Variants in ZNF469 observed in about 807,000 individuals in gnomAD.
The protein encoded by ZNF469 is zinc finger protein 469.
A neutral mutation model predicts 1.0 loss-of-function variants in ZNF469; 1 was observed. That is an observed-to-expected ratio of 1.00 (90% CI 0.35 to 4.73). The LOEUF is 4.73. Among genes scored for constraint, ZNF469 ranks in the 30% most tolerant of loss-of-function variants. The pLI is 0.16. For missense variants in ZNF469, 6,100 were observed against 5,356.3 expected (o/e 1.14, Z -4.33); for synonymous variants, 2,703 against 2,363.4 (o/e 1.14, Z -4.17).
chr16:88,338,591 C>G, the ZNF469 span, among the ~76,000 whole-genome samples: 7 of 152,242 alleles, frequency 4.6e-5, no homozygotes, highest in Admixed American at 2.0e-4. Flanking sequence ...AGGCCAGAGG[C>G]CTCTGCTGGG....
chr16:88,150,837 G>A, the ZNF469 span, among the ~76,000 whole-genome samples: 2 of 152,102 alleles, frequency 1.3e-5, no homozygotes, highest in African/African-American at 2.4e-5. Flanking sequence ...AGCGCCGTGG[G>A]GTTCCGGTAG....
the ZNF469 span, among the ~76,000 whole-genome samples, chr16:88,247,058 A>AG: frequency 4.0e-5 from 1 of 25,246 alleles, no homozygotes; most frequent in Admixed American, 4.6e-4. Flanking sequence ...TGAGTGAGTG[A>AG]TTGAGTGAGT....
chr16:88,290,807 G>T, the ZNF469 span, among the ~76,000 whole-genome samples: 1 of 152,206 alleles, frequency 6.6e-6, no homozygotes, highest in Non-Finnish European at 1.5e-5. Context: ...CATCTAGGAG[G>T]TGCCCACTTG....
At chr16:88,160,974 C>T in the ZNF469 span, among the ~76,000 whole-genome samples, 2 of 152,186 alleles carry the variant, frequency 1.3e-5, no homozygotes, top group Non-Finnish European at 2.9e-5. Flanking sequence ...AAAACAATGT[C>T]TCTATATTAA....
the ZNF469 span, among the ~76,000 whole-genome samples, chr16:88,180,758 A>ACT: frequency 1.7e-4 from 26 of 152,128 alleles, no homozygotes; most frequent in African/African-American, 6.3e-4. Flanking sequence ...TGGGTGACAG[A>ACT]GAGACTCTGT....
At chr16:88,347,300 C>T in the ZNF469 span, among the ~76,000 whole-genome samples, 2 of 152,164 alleles carry the variant, frequency 1.3e-5, no homozygotes, top group Non-Finnish European at 2.9e-5. Context: ...GTGCACGGGC[C>T]CTTCTTTGGA....
intron 1 of ZNF469, among the ~76,000 whole-genome samples, chr16:88,423,498 T>C (rs990644944): frequency 3.4e-4 from 51 of 152,154 alleles, no homozygotes; most frequent in Non-Finnish European, 6.8e-4. Flanking sequence ...GGGGCATGAG[T>C]TACGGTTGTC....
At chr16:88,162,956 T>C in the ZNF469 span, among the ~76,000 whole-genome samples, 2 of 152,136 alleles carry the variant, frequency 1.3e-5, no homozygotes, top group African/African-American at 4.8e-5. Context: ...GATGGACGGA[T>C]GGTTGGGGAG....
the ZNF469 span, among the ~76,000 whole-genome samples, chr16:88,242,253 C>T: frequency 6.6e-6 from 1 of 152,236 alleles, no homozygotes. Context: ...TCATCCGTCT[C>T]ACCCTGGTCT....
chr16:88,402,682 G>A (rs1904915862), intron 1 of ZNF469, among the ~76,000 whole-genome samples: 1 of 152,184 alleles, frequency 6.6e-6, no homozygotes, highest in Admixed American at 6.5e-5. Flanking sequence ...CCTCTCTCAT[G>A]CCAGGCCAGC....
At chr16:88,259,631 G>A in the ZNF469 span, among the ~76,000 whole-genome samples, 5 of 152,174 alleles carry the variant, frequency 3.3e-5, no homozygotes, top group South Asian at 2.1e-4. The surrounding 1 kb of genome is among the most constrained non-coding windows in gnomAD (Gnocchi z 4.1). Flanking sequence ...CTCCCAGCCT[G>A]ACAGCCACCC....
chr16:88,296,653 C>T, the ZNF469 span, among the ~76,000 whole-genome samples: 1 of 152,100 alleles, frequency 6.6e-6, no homozygotes, highest in Non-Finnish European at 1.5e-5. Flanking sequence ...CACACATGCA[C>T]AGACATGCTC....
chr16:88,399,411 A>T (rs907987707), intron 1 of ZNF469, among the ~76,000 whole-genome samples: 1 of 152,158 alleles, frequency 6.6e-6, no homozygotes, highest in Non-Finnish European at 1.5e-5. Flanking sequence ...TCACAGCTAC[A>T]AGATGACAGT....
At chr16:88,398,946 C>G (rs149138302) in intron 1 of ZNF469, among the ~76,000 whole-genome samples, 1 of 152,224 alleles carries the variant, frequency 6.6e-6, no homozygotes, top group Non-Finnish European at 1.5e-5. Context: ...CAGCAAACCA[C>G]CACCCCCCCA....
the ZNF469 span, among the ~76,000 whole-genome samples, chr16:88,281,829 T>C: frequency 1.3e-5 from 2 of 150,198 alleles, no homozygotes; most frequent in African/African-American, 4.9e-5. Context: ...GTTGGTGCTG[T>C]GCCATGCTGA....
intron 1 of ZNF469, among the ~76,000 whole-genome samples, chr16:88,416,312 A>G (rs974481191): frequency 6.6e-6 from 1 of 152,192 alleles, no homozygotes; most frequent in Non-Finnish European, 1.5e-5. Context: ...TTGACGGCAC[A>G]GGGGAATCCA....
chr16:88,122,063 G>A, the ZNF469 span, among the ~76,000 whole-genome samples: 6,608 of 125,218 alleles, frequency 0.053, 324 homozygotes, highest in Non-Finnish European at 0.084. Context: ...CACTCTGATC[G>A]CACCCTGTCA....
At chr16:88,209,807 T>C in the ZNF469 span, among the ~76,000 whole-genome samples, 1 of 152,348 alleles carries the variant, frequency 6.6e-6, no homozygotes, top group East Asian at 1.9e-4. Context: ...ACCTCTCTCC[T>C]GTCTGTGGGC....
intron 1 of ZNF469, among the ~76,000 whole-genome samples, chr16:88,410,450 A>G (rs767888916): frequency 1.3e-4 from 18 of 143,980 alleles, no homozygotes; most frequent in Non-Finnish European, 2.6e-4. Flanking sequence ...CAGGTCACAC[A>G]GTGACATCTA....
Sources: allele counts gnomAD v4.1 joint callset (sites outside exome capture counted in the v4.1 genomes callset), GRCh38; gene constraint gnomAD v4.1.1; non-coding constraint Gnocchi (gnomAD v3.1); transcripts MANE v1.5; gene names NCBI Gene and HGNC (gene_info 2026-07-23, HGNC 2026-07-21).